CLCN3: variants seen among roughly 807,000 people sequenced by gnomAD.
CLCN3 encodes H(+)/Cl(-) exchange transporter 3.
CLCN3 carries 16 observed loss-of-function variants against 83.4 expected under a neutral mutation model. The ratio of observed to expected loss-of-function variants is 0.19; its 90% confidence interval spans 0.13 to 0.29. The LOEUF (loss-of-function observed/expected upper bound fraction) is 0.29. CLCN3 is among the 10% of genes least tolerant of loss of function. CLCN3 has a pLI of 1.00. For synonymous variants in CLCN3, 322 were observed against 346.2 expected, an observed-to-expected ratio of 0.93 and a Z score of 0.78; for missense variants, 544 against 1,006.0, an observed-to-expected ratio of 0.54 and a Z score of 6.21.
chr4:169,680,294 C>A, intron 3 of CLCN3, 87 bp downstream of exon 3: 3 of 881,118 alleles, frequency 3.4e-6, no homozygotes, highest in Non-Finnish European at 5.2e-6. Context: ...CTCAGGCTGC[C>A]AAATGTTTAC....
chr4:169,655,298 TA>T (rs1374903559), intron 2 of CLCN3, among the ~76,000 whole-genome samples: 2 of 152,238 alleles, frequency 1.3e-5, no homozygotes, highest in African/African-American at 4.8e-5. Context: ...TGGTTCCACT[TA>T]AGGTAAATAG....
chr4:169,633,460 C>T (rs1773430199), intron 1 of CLCN3, among the ~76,000 whole-genome samples: 1 of 151,926 alleles, frequency 6.6e-6, no homozygotes, highest in Non-Finnish European at 1.5e-5. Context: ...AAAATTTCAT[C>T]TGCTGTGTTA....
intron 2 of CLCN3, 114 bp downstream of exon 2, chr4:169,636,202 T>C (rs1228355444): frequency 2.2e-6 from 2 of 913,838 alleles, no homozygotes; most frequent in Admixed American, 2.5e-5. Flanking sequence ...GAGATCAAAT[T>C]TACATAACAT....
chr4:169,693,617 G>A (rs1322740952), intron 7 of CLCN3, among the ~76,000 whole-genome samples: 1 of 152,168 alleles, frequency 6.6e-6, no homozygotes, highest in Non-Finnish European at 1.5e-5. Flanking sequence ...ATATATTTGT[G>A]TGTGTTCAAA....
chr4:169,692,033 TA>T, intron 6 of CLCN3, 80 bp from the exon 7 acceptor site: 1 of 981,334 alleles, frequency 1.0e-6, no homozygotes, highest in Non-Finnish European at 1.5e-6. Context: ...TTTTTGTGCA[TA>T]AAACAAGAAA....
At chr4:169,662,348 A>C (rs1340997616) in intron 2 of CLCN3, among the ~76,000 whole-genome samples, 1 of 152,202 alleles carries the variant, frequency 6.6e-6, no homozygotes, top group East Asian at 1.9e-4. Flanking sequence ...GAGATAAGTC[A>C]GTTATTAGGC....
chr4:169,634,380 T>C (rs2150201451), intron 1 of CLCN3, among the ~76,000 whole-genome samples: 1 of 152,328 alleles, frequency 6.6e-6, no homozygotes, highest in South Asian at 2.1e-4. Context: ...CTTTGATACA[T>C]CAAAATTAAA....
chr4:169,660,156 G>C, intron 2 of CLCN3: 1 of 1,125,816 alleles, frequency 8.9e-7, no homozygotes, highest in Non-Finnish European at 1.1e-6. Flanking sequence ...CTAGATTGTA[G>C]CCACTAGCAA....
chr4:169,643,599 C>T (rs1296373517), intron 2 of CLCN3, among the ~76,000 whole-genome samples: 2 of 151,830 alleles, frequency 1.3e-5, no homozygotes, highest in East Asian at 1.9e-4. Flanking sequence ...GTGGCATGAT[C>T]ACAGCTCACT....
intron 2 of CLCN3, among the ~76,000 whole-genome samples, chr4:169,637,040 G>A (rs1422907918): frequency 6.6e-6 from 1 of 151,972 alleles, no homozygotes; most frequent in African/African-American, 2.4e-5. Flanking sequence ...CATGATAACA[G>A]TTTTTAAAAA....
At chr4:169,699,760 T>G (rs1156424250) in intron 9 of CLCN3, among the ~76,000 whole-genome samples, 1 of 152,088 alleles carries the variant, frequency 6.6e-6, no homozygotes, top group African/African-American at 2.4e-5. Flanking sequence ...CAGGTGTCTG[T>G]AATCCCGGCT....
At chr4:169,687,009 G>T (rs1268140995) in intron 3 of CLCN3, among the ~76,000 whole-genome samples, 1 of 152,060 alleles carries the variant, frequency 6.6e-6, no homozygotes, top group African/African-American at 2.4e-5. Flanking sequence ...AGTTTTGGGG[G>T]GTCCCTTTGT....
rs1733689976 is a variant in CLCN3, at chr4:169,723,078, T to G, written c.*3081T>G. ...TAATCTGTAATGTTGCCTAGAGCTG[T>G]ATTTATCTGTTTTTATTTATACTAG... is the stretch of plus-strand genomic sequence containing the variant. On this transcript the variant is annotated 3_prime_UTR_variant, in exon 13 of 13. Transcript: ENST00000513761. The G allele has an allele frequency of 6.6e-6, 1 of 152,256 alleles. No homozygotes were observed. The highest frequency in any genetic ancestry group is 2.4e-5 in the African/African-American group (1 of 41,472). 9.4% of individuals were successfully genotyped at this position (152,256 alleles called of 1,614,324 possible).
At chr4:169,683,323 A>G (rs1227178769) in intron 3 of CLCN3, among the ~76,000 whole-genome samples, 1 of 152,116 alleles carries the variant, frequency 6.6e-6, no homozygotes, top group Non-Finnish European at 1.5e-5. Flanking sequence ...TATGGAGACT[A>G]TCTCTACACA....
intron 1 of CLCN3, among the ~76,000 whole-genome samples, chr4:169,629,748 A>G (rs996481619): frequency 1.3e-5 from 2 of 152,208 alleles, no homozygotes; most frequent in Non-Finnish European, 2.9e-5. Context: ...GACACGTTCT[A>G]CAATGGCAGA....
intron 1 of CLCN3, among the ~76,000 whole-genome samples, chr4:169,630,552 A>G (rs1293942118): frequency 2.0e-5 from 3 of 150,648 alleles, no homozygotes; most frequent in Non-Finnish European, 3.0e-5. Flanking sequence ...TTTTTTTGAG[A>G]CAGAGTCTTG....
At chr4:169,703,680 T>C (rs1243488726) in intron 9 of CLCN3, among the ~76,000 whole-genome samples, 3 of 151,686 alleles carry the variant, frequency 2.0e-5, no homozygotes, top group Non-Finnish European at 2.9e-5. Context: ...TTTTTCTTTT[T>C]TTTTTTTCAT....
intron 2 of CLCN3, among the ~76,000 whole-genome samples, chr4:169,650,955 T>G (rs1730715044): frequency 6.6e-6 from 1 of 152,126 alleles, no homozygotes; most frequent in African/African-American, 2.4e-5. Context: ...AATGCTGTAA[T>G]TCAGGATGTT....
intron 2 of CLCN3, among the ~76,000 whole-genome samples, chr4:169,675,130 AC>A (rs1731627242): frequency 6.6e-6 from 1 of 152,248 alleles, no homozygotes; most frequent in African/African-American, 2.4e-5. Flanking sequence ...TAGTACTATT[AC>A]GTTGTTTAAA....
Sources: gnomAD v4.1 joint callset for allele counts (sites outside exome capture counted in the v4.1 genomes callset) on GRCh38, gnomAD v4.1.1 for gene constraint, MANE v1.5 for transcripts, NCBI Gene and HGNC (gene_info 2026-07-23, HGNC 2026-07-21) for gene names.